HSF2BP: variants seen among roughly 807,000 people sequenced by gnomAD.
HSF2BP encodes heat shock factor 2-binding protein.
A neutral mutation model predicts 35.0 loss-of-function variants in HSF2BP; 35 were observed. That is an observed-to-expected ratio of 1.00 (90% confidence interval 0.76 to 1.32). The LOEUF (loss-of-function observed/expected upper bound fraction) is 1.32. Ranked by LOEUF, HSF2BP falls within the 40% of genes most tolerant of loss-of-function variation. HSF2BP has a pLI of 0.00. For missense variants in HSF2BP, 326 were observed against 321.7 expected (o/e 1.01, Z -0.10); for synonymous variants, 114 against 117.4 (o/e 0.97, Z 0.18).
At chr21:43,651,950 C>A (rs1640685834) in intron 3 of HSF2BP, among the ~76,000 whole-genome samples, 2 of 152,262 alleles carry the variant, frequency 1.3e-5, no homozygotes, top group Non-Finnish European at 2.9e-5. Flanking sequence ...CCATTCGCTA[C>A]TTGATGTGTC....
At chr21:43,584,394 A>G (rs1215235712) in intron 8 of HSF2BP, among the ~76,000 whole-genome samples, 1 of 152,216 alleles carries the variant, frequency 6.6e-6, no homozygotes, top group African/African-American at 2.4e-5. Context: ...CAGCTCAAAC[A>G]GTCAAGGCAG....
At chr21:43,578,171 T>C (rs1323758974) in intron 8 of HSF2BP, among the ~76,000 whole-genome samples, 1 of 152,180 alleles carries the variant, frequency 6.6e-6, no homozygotes, top group Non-Finnish European at 1.5e-5. Flanking sequence ...ACCTTATGCC[T>C]TGAGCCCTAA....
At chr21:43,455,249 G>GC in the HSF2BP span, among the ~76,000 whole-genome samples, 1 of 71,120 alleles carries the variant, frequency 1.4e-5, no homozygotes, top group Non-Finnish European at 2.8e-5. Context: ...AGGGTAACTG[G>GC]CCCCCCCCCA....
At chr21:43,467,729 C>T in the HSF2BP span, among the ~76,000 whole-genome samples, 1 of 125,676 alleles carries the variant, frequency 8.0e-6, no homozygotes, top group Admixed American at 7.8e-5. Flanking sequence ...ACACCACACA[C>T]ACCACACCAC....
At chr21:43,620,852 A>T (rs530454747) in intron 6 of HSF2BP, among the ~76,000 whole-genome samples, 1 of 152,172 alleles carries the variant, frequency 6.6e-6, no homozygotes, top group African/African-American at 2.4e-5. Flanking sequence ...AGAATCACTG[A>T]GCTCAGAGAC....
At chr21:43,619,510 G>T (rs1343637714) in intron 6 of HSF2BP, among the ~76,000 whole-genome samples, 2 of 152,104 alleles carry the variant, frequency 1.3e-5, no homozygotes, top group African/African-American at 4.8e-5. Context: ...CAGCTCTCAC[G>T]GCAACAGACA....
chr21:43,643,433 G>T (rs1012780311), intron 4 of HSF2BP, among the ~76,000 whole-genome samples: 9 of 152,132 alleles, frequency 5.9e-5, no homozygotes, highest in African/African-American at 2.2e-4. Flanking sequence ...GAGGGTGAGT[G>T]AGTTCTTGCT....
rs536672707 is a variant in HSF2BP, at chr21:43,620,705, A to ACATCATCATCAT, written c.575-6770_575-6759dup. 1.5e-3 allele frequency among the ~76,000 whole-genome samples: 233 copies of ACATCATCATCAT among 151,678 alleles called. 1 individual carries two copies. The highest frequency in any genetic ancestry group is 5.5e-3 in the African/African-American group (225 of 41,238). ...GCAAGATCCCATCTCTAAAAAATCA[A>ACATCATCATCAT]CATCATCATCATCATCATCATCATC... On this transcript the variant is annotated intron_variant, in intron 6 of 8. Coordinates refer to ENST00000291560, the MANE Select transcript of HSF2BP (RefSeq NM_007031.2).
At chr21:43,643,615 AC>A (rs1421216119) in intron 4 of HSF2BP, among the ~76,000 whole-genome samples, 1 of 152,110 alleles carries the variant, frequency 6.6e-6, no homozygotes, top group Non-Finnish European at 1.5e-5. Context: ...CCAATCTTGA[AC>A]CTTCCAGCCA....
chr21:43,615,532 G>A (rs1355051437), intron 6 of HSF2BP, among the ~76,000 whole-genome samples: 1 of 152,172 alleles, frequency 6.6e-6, no homozygotes, highest in Non-Finnish European at 1.5e-5. Flanking sequence ...AAGAGGGATA[G>A]TAAAGTCTAC....
chr21:43,587,557 C>A (rs980362777), intron 8 of HSF2BP, among the ~76,000 whole-genome samples: 2 of 150,816 alleles, frequency 1.3e-5, no homozygotes, highest in African/African-American at 4.9e-5. Flanking sequence ...CCCAGCTACT[C>A]AGGAGGCTGA....
At chr21:43,627,684 T>G (rs903395778) in intron 6 of HSF2BP, among the ~76,000 whole-genome samples, 1 of 152,230 alleles carries the variant, frequency 6.6e-6, no homozygotes, top group African/African-American at 2.4e-5. Flanking sequence ...CCAGTCTCTG[T>G]AACAGTCACT....
intron 7 of HSF2BP, among the ~76,000 whole-genome samples, chr21:43,604,657 C>CCA (rs757355507): frequency 7.7e-6 from 1 of 130,318 alleles, no homozygotes; most frequent in Non-Finnish European, 1.6e-5. Flanking sequence ...CACACACACA[C>CCA]CACACACACA....
chr21:43,604,251 C>T lies in HSF2BP; in HGVS notation c.692+9579G>A, dbSNP rs559619286. ...CACCACACACCACTCACCACTCACA[C>T]ACATCACACATACCACACACCACTC... is the stretch of plus-strand genomic sequence containing the variant. On this transcript the variant is annotated intron_variant, in intron 7 of 8. Transcript: ENST00000291560. 7.0e-5 allele frequency among the ~76,000 whole-genome samples: 10 copies of T among 143,832 alleles called. No homozygotes were observed. The East Asian group carries it at 2.0e-3, about 29-fold the overall frequency. The allele number at this position is 143,832 out of a possible 152,430, so 94.4% of individuals were successfully genotyped here.
intron 8 of HSF2BP, 128 bp downstream of exon 8, chr21:43,592,097 T>C (rs2081932626): frequency 1.6e-6 from 1 of 629,382 alleles, no homozygotes; most frequent in Non-Finnish European, 2.9e-6. Flanking sequence ...ATATAGTATA[T>C]AGAGAGGATT....
the HSF2BP span, among the ~76,000 whole-genome samples, chr21:43,499,875 C>T: frequency 1.8e-5 from 2 of 111,366 alleles, no homozygotes; most frequent in African/African-American, 7.5e-5. Flanking sequence ...CGCCACACTA[C>T]ATGCACACAT....
chr21:43,584,960 A>G (rs2146742870), intron 8 of HSF2BP, among the ~76,000 whole-genome samples: 1 of 151,750 alleles, frequency 6.6e-6, no homozygotes, highest in South Asian at 2.1e-4. Context: ...TCCCACTTTC[A>G]CTTGACTTTC....
At chr21:43,604,675 ACAC>A (rs2082104551) in intron 7 of HSF2BP, among the ~76,000 whole-genome samples, 1 of 123,618 alleles carries the variant, frequency 8.1e-6, no homozygotes, top group Non-Finnish European at 1.7e-5. Flanking sequence ...ACACACCACC[ACAC>A]ACCACACACA....
chr21:43,645,758 C>T (rs2082700248), intron 3 of HSF2BP, among the ~76,000 whole-genome samples: 1 of 152,138 alleles, frequency 6.6e-6, no homozygotes, highest in African/African-American at 2.4e-5. Flanking sequence ...CAACTATCTG[C>T]AAACAAACGA....
Sources: gnomAD v4.1 joint callset for allele counts (sites outside exome capture counted in the v4.1 genomes callset) on GRCh38, gnomAD v4.1.1 for gene constraint, MANE v1.5 for transcripts, NCBI Gene and HGNC (gene_info 2026-07-23, HGNC 2026-07-21) for gene names.